FER: variants seen among roughly 807,000 people sequenced by gnomAD.
FER encodes FER tyrosine kinase.
FER carries 63 observed loss-of-function variants against 111.0 expected under a neutral mutation model. That is an observed-to-expected ratio of 0.57 (90% CI 0.46 to 0.70). The LOEUF is 0.70. Ranked by LOEUF, FER falls within the 30% of genes least tolerant of loss-of-function variation. FER has a pLI of 0.00. For missense variants in FER, 914 were observed against 954.0 expected (o/e 0.96, Z 0.55); for synonymous variants, 327 against 313.9 (o/e 1.04, Z -0.44).
intron 17 of FER, among the ~76,000 whole-genome samples, chr5:109,109,729 C>T (rs1329526409): frequency 6.6e-6 from 1 of 152,078 alleles, no homozygotes; most frequent in African/African-American, 2.4e-5. Context: ...GCTGAAGATA[C>T]AGAAATGTTC....
intron 17 of FER, among the ~76,000 whole-genome samples, chr5:109,128,564 T>G (rs928465930): frequency 1.3e-5 from 2 of 152,144 alleles, no homozygotes; most frequent in African/African-American, 4.8e-5. Flanking sequence ...TTTACTCTCT[T>G]GTAGCATGCA....
intron 16 of FER, among the ~76,000 whole-genome samples, chr5:109,048,675 A>T (rs1382120703): frequency 6.6e-6 from 1 of 152,214 alleles, no homozygotes; most frequent in Non-Finnish European, 1.5e-5. Context: ...AATATAATAA[A>T]AGGTAGAAAA....
At position 108,879,701 on chromosome 5, in the gene FER, A is replaced by AAATATATATATATAT; in HGVS notation, c.924-3694_924-3693insATATATATATATATA. On this transcript the variant is annotated intron_variant, in intron 8 of 19. Transcript: ENST00000281092. ...ATGTATTTTTTTTAGATTAAAAAAAAATATATATATATATATATATATATT... is the reference window on the plus strand; with the variant it reads ...ATGTATTTTTTTTAGATTAAAAAAAAAATATATATATATATATATATATATATATATATATATATT... Among the ~76,000 whole-genome samples, 273 of 99,048 alleles carry AAATATATATATATAT rather than the reference A, an allele frequency of 2.8e-3. 1 individual carries two copies. The highest frequency in any genetic ancestry group is 2.8e-3 in the Admixed American group (28 of 10,142). The allele number at this position is 99,048 out of a possible 152,430, so 65.0% of individuals were successfully genotyped here.
chr5:108,954,051 A>G (rs568396473), intron 11 of FER, among the ~76,000 whole-genome samples: 1 of 152,248 alleles, frequency 6.6e-6, no homozygotes, highest in East Asian at 1.9e-4. Flanking sequence ...TGCTTTCTCT[A>G]CCATGCTCAT....
intron 17 of FER, among the ~76,000 whole-genome samples, chr5:109,151,520 T>C (rs1754852194): frequency 6.6e-6 from 1 of 152,134 alleles, no homozygotes; most frequent in African/African-American, 2.4e-5. Flanking sequence ...CTTTTGCTAA[T>C]GGGATGTATT....
intron 10 of FER, among the ~76,000 whole-genome samples, chr5:108,939,696 A>G (rs1349619450): frequency 2.6e-5 from 4 of 151,950 alleles, no homozygotes; most frequent in Non-Finnish European, 5.9e-5. Flanking sequence ...TATAACCACC[A>G]TCTTTCTTTA....
intron 9 of FER, among the ~76,000 whole-genome samples, chr5:108,896,518 G>A (rs546418890): frequency 4.6e-5 from 7 of 152,178 alleles, no homozygotes; most frequent in African/African-American, 1.2e-4. Context: ...TCTCACAAAT[G>A]TTCTTACTCA....
chr5:109,163,956 A>G (rs1194885880), intron 17 of FER, among the ~76,000 whole-genome samples: 2 of 152,188 alleles, frequency 1.3e-5, no homozygotes, highest in East Asian at 1.9e-4. Context: ...GAAAACATTC[A>G]GAAAATAAAG....
chr5:108,754,275 AT>A (rs1750822720), intron 1 of FER, among the ~76,000 whole-genome samples: 2 of 152,056 alleles, frequency 1.3e-5, no homozygotes, highest in African/African-American at 4.8e-5. Flanking sequence ...GCCCGATATG[AT>A]GGCATGTGCT....
chr5:109,179,713 T>A (rs1489142872), intron 17 of FER, among the ~76,000 whole-genome samples: 1 of 152,106 alleles, frequency 6.6e-6, no homozygotes, highest in Non-Finnish European at 1.5e-5. Flanking sequence ...GCATTTACAA[T>A]GTATTATGTA....
intron 9 of FER, among the ~76,000 whole-genome samples, chr5:108,892,362 C>G (rs1239267521): frequency 1.3e-5 from 2 of 152,156 alleles, no homozygotes; most frequent in African/African-American, 4.8e-5. Context: ...GCCATTCTAA[C>G]TGGTGTGAGA....
intron 2 of FER, among the ~76,000 whole-genome samples, chr5:108,769,096 G>T (rs894829485): frequency 6.6e-6 from 1 of 152,080 alleles, no homozygotes; most frequent in Non-Finnish European, 1.5e-5. Context: ...TAAAGTGCTG[G>T]GATTACAGGC....
chr5:108,761,681 A>C (rs1751768270), intron 1 of FER, among the ~76,000 whole-genome samples: 1 of 152,336 alleles, frequency 6.6e-6, no homozygotes, highest in East Asian at 1.9e-4. Context: ...TAGACCTTCA[A>C]TTTGTAAAAA....
intron 8 of FER, among the ~76,000 whole-genome samples, chr5:108,876,759 A>G (rs536617905): frequency 1.8e-4 from 28 of 152,314 alleles, no homozygotes; most frequent in African/African-American, 5.5e-4. Flanking sequence ...TTAAAATTTT[A>G]TTAAATATCT....
chr5:109,058,761 C>G (rs1773989980), intron 16 of FER, among the ~76,000 whole-genome samples: 1 of 98,248 alleles, frequency 1.0e-5, no homozygotes, highest in African/African-American at 4.2e-5. Context: ...GAGACGGAGT[C>G]TAGCTCTGTC....
At chr5:109,051,311 T>G in intron 16 of FER, 3 of 1,555,424 alleles carry the variant, frequency 1.9e-6, no homozygotes, top group Non-Finnish European at 2.7e-6. Flanking sequence ...CAAGCCTGTA[T>G]CTAGATCTCC....
chr5:109,195,239 T>C lies in FER; in HGVS notation c.*7664T>C, dbSNP rs1470927044. The C allele has an allele frequency of 6.6e-6, 1 of 152,150 alleles. No homozygotes were observed. Among genetic ancestry groups the C allele is most frequent in the Admixed American group, 6.5e-5 (1 of 15,278 alleles). 9.4% of individuals were successfully genotyped at this position (152,150 alleles called of 1,614,324 possible). On this transcript the variant is annotated 3_prime_UTR_variant, in exon 20 of 20. Coordinates refer to ENST00000281092, the MANE Select transcript of FER (RefSeq NM_005246.4). ...TTGAATATTTTCTCCTTAATTAAAG[T>C]ACGTTGCTTGTATTTAGACTATAAG... is the stretch of plus-strand genomic sequence containing the variant.
rs898060949 is a variant in FER at position 109,196,441 on chromosome 5, T to C, written c.*8866T>C. 9 of 152,182 alleles carry C rather than the reference T, an allele frequency of 5.9e-5. No homozygotes were observed. Among genetic ancestry groups the C allele is most frequent in the South Asian group, 2.1e-4 (1 of 4,828 alleles). The allele number at this position is 152,182 out of a possible 1,614,324, so 9.4% of individuals were successfully genotyped here. A position where few individuals can be genotyped will look rare whatever the true frequency, so the allele number is the denominator to read the frequency against. ...TAAGATAATGTATTTGTGAAGTGGATAAACACTGGAAATAGGGTGCTTCTT... is the reference window on the plus strand; with the variant it reads ...TAAGATAATGTATTTGTGAAGTGGACAAACACTGGAAATAGGGTGCTTCTT... On this transcript the variant is annotated 3_prime_UTR_variant, in exon 20 of 20. Coordinates refer to ENST00000281092, the MANE Select transcript of FER (RefSeq NM_005246.4).
chr5:109,184,631 A>G (rs1758658729), intron 18 of FER, among the ~76,000 whole-genome samples: 1 of 152,226 alleles, frequency 6.6e-6, no homozygotes. Flanking sequence ...GTAGCCATAG[A>G]ATGATTTTCA....
Sources: gnomAD v4.1 joint callset for allele counts (sites outside exome capture counted in the v4.1 genomes callset) on GRCh38, gnomAD v4.1.1 for gene constraint, MANE v1.5 for transcripts, NCBI Gene and HGNC (gene_info 2026-07-23, HGNC 2026-07-21) for gene names.